Variants in DOCK8 observed in about 807,000 individuals in gnomAD.
DOCK8 encodes the protein dedicator of cytokinesis 8.
In DOCK8, 141 loss-of-function variants were observed where a neutral mutation model predicts 245.6. The ratio of observed to expected loss-of-function variants is 0.57; its 90% CI spans 0.50 to 0.66. DOCK8 has a LOEUF of 0.66. Among genes scored for constraint, DOCK8 ranks in the 30% least tolerant of loss-of-function variants. The pLI is 0.00. For missense variants in DOCK8, 2,965 were observed against 2,603.4 expected (o/e 1.14, Z -3.02); for synonymous variants, 1,168 against 970.2 (o/e 1.20, Z -3.79).
intron 14 of DOCK8, among the ~76,000 whole-genome samples, chr9:356,590 C>T (rs935993039): frequency 6.6e-6 from 1 of 151,496 alleles, no homozygotes; most frequent in Non-Finnish European, 1.5e-5. Flanking sequence ...CTTGCTTCAT[C>T]ACTTTCCTTA....
intron 1 of DOCK8, among the ~76,000 whole-genome samples, chr9:237,251 T>C (rs541638405): frequency 2.1e-4 from 32 of 152,364 alleles, no homozygotes; most frequent in African/African-American, 7.5e-4. Context: ...GCCAAACAAG[T>C]ACAGCTGAAG....
At chr9:245,943 G>C (rs561555877) in intron 1 of DOCK8, among the ~76,000 whole-genome samples, 1 of 152,302 alleles carries the variant, frequency 6.6e-6, no homozygotes, top group East Asian at 1.9e-4. Flanking sequence ...CATCTGGCTG[G>C]GCATGGTGGC....
intron 1 of DOCK8, among the ~76,000 whole-genome samples, chr9:238,884 C>A (rs181464631): frequency 6.6e-6 from 1 of 152,166 alleles, no homozygotes; most frequent in Non-Finnish European, 1.5e-5. Flanking sequence ...CTATCCCAGC[C>A]GTCCAGGGCC....
chr9:376,407 A>G (rs977089543), intron 19 of DOCK8, 102 bp downstream of exon 19: 1 of 883,538 alleles, frequency 1.1e-6, no homozygotes, highest in Non-Finnish European at 1.9e-6. Context: ...CTACAGATAA[A>G]TAAAAAATAA....
intron 1 of DOCK8, among the ~76,000 whole-genome samples, chr9:266,987 C>T (rs2048048189): frequency 1.1e-4 from 16 of 152,166 alleles, no homozygotes; most frequent in Admixed American, 1.0e-3. Context: ...TGTGCAAACA[C>T]CTGCTTTGGC....
intron 30 of DOCK8, chr9:420,009 G>T (rs551403843): frequency 1.4e-4 from 42 of 309,408 alleles, no homozygotes; most frequent in Non-Finnish European, 2.5e-4. Context: ...ACCCTCTGCT[G>T]CCCAGCACGA....
chr9:312,850 T>A lies in DOCK8; in HGVS notation c.741+684T>A. On this transcript the variant is annotated intron_variant, in intron 6 of 47. Coordinates refer to ENST00000432829, the MANE Select transcript of DOCK8 (RefSeq NM_203447.4). ...GTATAGGAGGCTCTCAGTTTTCCCC[T>A]CTGCGTGAGGTTATCTACACTTCTG... 2.8e-5 allele frequency: 5 copies of A among 178,522 alleles called. No individual in the cohort carries two copies. The South Asian group carries it at 5.1e-4, about 18-fold the overall frequency. The allele number at this position is 178,522 out of a possible 1,614,324, so 11.1% of individuals were successfully genotyped here.
At chr9:455,761 TC>T (rs2057617951) in intron 46 of DOCK8, among the ~76,000 whole-genome samples, 2 of 150,368 alleles carry the variant, frequency 1.3e-5, no homozygotes, top group African/African-American at 4.9e-5. Context: ...GTCTGCTTCC[TC>T]CCAAAAAATA....
rs2056639132 is a variant in DOCK8, at chr9:429,730, T to C, written c.4502T>C (p.Val1501Ala). The C allele has an allele frequency of 6.2e-7, 1 of 1,614,080 alleles. No homozygotes were observed. Among genetic ancestry groups the C allele is most frequent in the Non-Finnish European group, 8.5e-7 (1 of 1,180,014 alleles). The change falls in exon 36 of 48, where the codon GTG becomes GCG. Residue 1501 changes from valine (V) to alanine (A), a missense_variant. Transcript: ENST00000432829. The stretch of plus-strand genomic sequence containing the variant: ...GGAGACTTACTCTTTGAAGAGGAGG[T>C]GGAACAGTGTTTCGACCTATGTCAC... ...KFGDLLFEEEVEQCFDLCHQV... is the reference protein window; with the variant it reads ...KFGDLLFEEEAEQCFDLCHQV...
intron 33 of DOCK8, among the ~76,000 whole-genome samples, chr9:425,460 A>T (rs1316822652): frequency 6.6e-6 from 1 of 150,522 alleles, no homozygotes; most frequent in Admixed American, 6.7e-5. Flanking sequence ...TGAACCCGGG[A>T]AGTGGAGCTT....
At chr9:285,329 C>A (rs2048773676) in intron 2 of DOCK8, among the ~76,000 whole-genome samples, 1 of 152,134 alleles carries the variant, frequency 6.6e-6, no homozygotes, top group Non-Finnish European at 1.5e-5. Context: ...GATTTCAAAG[C>A]GATGAAAAAC....
intron 1 of DOCK8, among the ~76,000 whole-genome samples, chr9:244,483 C>G (rs2047457821): frequency 6.6e-6 from 1 of 152,108 alleles, no homozygotes; most frequent in African/African-American, 2.4e-5. Context: ...ACTGTTTCTT[C>G]CTAGTACTTG....
chr9:462,764 G>C (rs912578441), intron 46 of DOCK8, among the ~76,000 whole-genome samples: 6 of 152,192 alleles, frequency 3.9e-5, no homozygotes, highest in African/African-American at 1.4e-4. Context: ...TATGTACGTA[G>C]CAGGAGGAGG....
chr9:427,806 T>G (rs527467542), intron 34 of DOCK8, among the ~76,000 whole-genome samples: 2 of 152,382 alleles, frequency 1.3e-5, no homozygotes, highest in Admixed American at 1.3e-4. Flanking sequence ...CTTTGATAAC[T>G]TAAATGCTTG....
chr9:275,446 G>A (rs935954272), intron 2 of DOCK8, among the ~76,000 whole-genome samples: 1 of 152,092 alleles, frequency 6.6e-6, no homozygotes, highest in African/African-American at 2.4e-5. Flanking sequence ...AGCCCTGACT[G>A]GACATTAAAA....
At chr9:324,574 G>A (rs1332610769) in intron 7 of DOCK8, among the ~76,000 whole-genome samples, 2 of 151,998 alleles carry the variant, frequency 1.3e-5, no homozygotes, top group East Asian at 1.9e-4. Flanking sequence ...CCAATATGAG[G>A]GCTCATCTTT....
chr9:308,967 T>C (rs1282638195), intron 5 of DOCK8, among the ~76,000 whole-genome samples: 1 of 152,226 alleles, frequency 6.6e-6, no homozygotes, highest in Non-Finnish European at 1.5e-5. Flanking sequence ...AGGTTCTTTC[T>C]TTTAATGGCT....
rs1255685464 is a variant in DOCK8 at position 444,337 on chromosome 9, A to ATAATAATAG, written c.5580+829_5580+830insGTAATAATA. Among the ~76,000 whole-genome samples, 9 of 148,006 alleles carry ATAATAATAG rather than the reference A, an allele frequency of 6.1e-5. No individual in the cohort carries two copies. In the East Asian group the frequency reaches 1.8e-3, roughly 29 times the overall value. On this transcript the variant is annotated intron_variant, in intron 43 of 47. Transcript: ENST00000432829. ...TTGAAAATAGGAGAAAACAAAGCAA[A>ATAATAATAG]TAATAATAATAATAATAATAATAAT...
Position 382,498 on chromosome 9 carries a change from C to G in DOCK8, c.2606-15C>G. 1 of 1,613,352 alleles carries G rather than the reference C, an allele frequency of 6.2e-7. No homozygotes were observed. Among genetic ancestry groups the G allele is most frequent in the Non-Finnish European group, 8.5e-7 (1 of 1,179,848 alleles). ...TCCCCTGTCTGTTGACATGTCTCTG[C>G]CTGGTGGGGTGCAGGCGCTCCCACT... On this transcript the variant is annotated splice_polypyrimidine_tract_variant and intron_variant, in intron 21 of 47. Coordinates refer to ENST00000432829, the MANE Select transcript of DOCK8 (RefSeq NM_203447.4).
Sources: gnomAD v4.1 joint callset for allele counts (sites outside exome capture counted in the v4.1 genomes callset) on GRCh38, gnomAD v4.1.1 for gene constraint, MANE v1.5 for transcripts, NCBI Gene and HGNC (gene_info 2026-07-23, HGNC 2026-07-21) for gene names.